Variants in SGCD observed in about 807,000 individuals in gnomAD.
SGCD encodes the protein delta-sarcoglycan.
A neutral mutation model predicts 36.6 loss-of-function variants in SGCD; 18 were observed. The ratio of observed to expected loss-of-function variants is 0.49; its 90% CI spans 0.34 to 0.73. The LOEUF is 0.73. Ranked by LOEUF, SGCD falls within the 30% of genes least tolerant of loss-of-function variation. SGCD has a pLI of 0.01. For missense variants in SGCD, 387 were observed against 346.7 expected, an observed-to-expected ratio of 1.12 and a Z score of -0.92; for synonymous variants, 133 against 130.6, an observed-to-expected ratio of 1.02 and a Z score of -0.12.
intron 3 of SGCD, among the ~76,000 whole-genome samples, chr5:156,422,190 G>A (rs182365756): frequency 8.5e-5 from 13 of 152,116 alleles, no homozygotes; most frequent in Admixed American, 4.6e-4. Context: ...GTGAGCAGGA[G>A]CTTAATAAAA....
chr5:156,751,742 T>C (rs1310411766), intron 7 of SGCD, among the ~76,000 whole-genome samples: 1 of 152,244 alleles, frequency 6.6e-6, no homozygotes, highest in Non-Finnish European at 1.5e-5. Flanking sequence ...TAAAAGACAA[T>C]GGCATCCCAT....
At chr5:155,975,357 C>CT (rs1302840512) in intron 1 of SGCD, among the ~76,000 whole-genome samples, 1 of 152,012 alleles carries the variant, frequency 6.6e-6, no homozygotes, top group Non-Finnish European at 1.5e-5. Context: ...TATCTGGAGA[C>CT]TTTTTGATTT....
the SGCD span, among the ~76,000 whole-genome samples, chr5:155,806,978 A>G: frequency 3.9e-5 from 6 of 152,242 alleles, no homozygotes; most frequent in Non-Finnish European, 7.3e-5. Context: ...CTGAGACAAT[A>G]GCTGTGAATG....
rs1345653112 is a variant in SGCD at position 156,057,433 on chromosome 5, A to T, written c.-281-60445A>T. Reference sequence around the variant, plus strand: ...GTGTGAGAAATAAAAAACAGCTGTGATAGATGAGTTTAAATAAAATCATGA... The same window carrying T: ...GTGTGAGAAATAAAAAACAGCTGTGTTAGATGAGTTTAAATAAAATCATGA... On this transcript the variant is annotated intron_variant, in intron 1 of 9. Coordinates refer to the SGCD transcript ENST00000517913. 2.7e-5 allele frequency among the ~76,000 whole-genome samples: 4 copies of T among 146,888 alleles called. No homozygotes were observed. The South Asian group carries it at 6.4e-4, about 24-fold the overall frequency.
intron 3 of SGCD, among the ~76,000 whole-genome samples, chr5:156,473,072 T>C (rs1443130194): frequency 2.0e-5 from 3 of 152,234 alleles, no homozygotes; most frequent in Non-Finnish European, 4.4e-5. Flanking sequence ...AATGCCTACA[T>C]TGAATAATTA....
At chr5:156,009,008 G>A (rs1455417935) in intron 1 of SGCD, among the ~76,000 whole-genome samples, 1 of 152,156 alleles carries the variant, frequency 6.6e-6, no homozygotes, top group Non-Finnish European at 1.5e-5. Context: ...AAGTTGGAAT[G>A]GGGGCAGGTG....
chr5:156,481,550 G>A (rs1006209148), intron 3 of SGCD, among the ~76,000 whole-genome samples: 1 of 152,174 alleles, frequency 6.6e-6, no homozygotes, highest in African/African-American at 2.4e-5. Flanking sequence ...AATAGCCCGT[G>A]GGTGCCTAAT....
intron 1 of SGCD, among the ~76,000 whole-genome samples, chr5:156,082,780 C>A (rs1486536254): frequency 6.6e-6 from 1 of 152,180 alleles, no homozygotes; most frequent in Non-Finnish European, 1.5e-5. Context: ...CGTCCAGGAG[C>A]ACAGTTGCTG....
At chr5:156,395,930 T>C (rs1486925346) in intron 3 of SGCD, among the ~76,000 whole-genome samples, 1 of 152,256 alleles carries the variant, frequency 6.6e-6, no homozygotes, top group Non-Finnish European at 1.5e-5. Flanking sequence ...TAGTTATGAC[T>C]GTAGTTGGTC....
intron 6 of SGCD, among the ~76,000 whole-genome samples, chr5:156,625,199 T>G (rs1366079346): frequency 1.3e-5 from 2 of 152,174 alleles, no homozygotes; most frequent in Admixed American, 1.3e-4. Context: ...TTTAGGACAT[T>G]GGCAGTGTTT....
At chr5:156,146,214 A>G (rs1762708270) in intron 3 of SGCD, among the ~76,000 whole-genome samples, 1 of 152,330 alleles carries the variant, frequency 6.6e-6, no homozygotes, top group East Asian at 1.9e-4. Context: ...CTCCATCTCT[A>G]AAAAACAAAA....
chr5:156,146,105 C>T (rs548584352), intron 3 of SGCD, among the ~76,000 whole-genome samples: 2 of 152,008 alleles, frequency 1.3e-5, no homozygotes, highest in East Asian at 1.9e-4. Flanking sequence ...CCCAGCTACT[C>T]GGGAGGCTGA....
At chr5:156,683,549 T>G (rs1482049305) in intron 7 of SGCD, among the ~76,000 whole-genome samples, 1 of 152,262 alleles carries the variant, frequency 6.6e-6, no homozygotes, top group Non-Finnish European at 1.5e-5. Context: ...TTCTTCTATT[T>G]CTCTGGCCTG....
At chr5:156,072,309 C>G (rs1353171760) in intron 1 of SGCD, among the ~76,000 whole-genome samples, 3 of 151,900 alleles carry the variant, frequency 2.0e-5, no homozygotes, top group Admixed American at 1.3e-4. Flanking sequence ...TTCAGGAGCT[C>G]TTTTAGGGCA....
chr5:156,581,439 G>A lies in SGCD; in HGVS notation c.295-7792G>A, dbSNP rs184382051. Reference sequence around the variant, plus strand: ...GCCCAAACGCTGTGCTGGGAGAACCGCTGCTCTCTTCAGAGCTGTCAGACA... The same window carrying A: ...GCCCAAACGCTGTGCTGGGAGAACCACTGCTCTCTTCAGAGCTGTCAGACA... On this transcript the variant is annotated intron_variant, in intron 4 of 8. Coordinates refer to ENST00000337851, the MANE Select transcript of SGCD (RefSeq NM_000337.6). 1.0e-3 allele frequency among the ~76,000 whole-genome samples: 157 copies of A among 152,280 alleles called. No individual in the cohort carries two copies. In the Middle Eastern group the frequency reaches 0.027, roughly 26 times the overall value.
chr5:155,771,926 C>G, the SGCD span, among the ~76,000 whole-genome samples: 87 of 152,234 alleles, frequency 5.7e-4, no homozygotes, highest in African/African-American at 8.7e-4. Flanking sequence ...GCATTATTCT[C>G]TTTCAATAAA....
In SGCD at chr5:156,553,394, T is replaced by C. The variant is rs189589806; in HGVS notation, c.295-35837T>C. Among the ~76,000 whole-genome samples the C allele has an allele frequency of 4.5e-3, 687 of 152,334 alleles. 4 individuals are homozygous for C. The highest frequency in any genetic ancestry group is 0.014 in the African/African-American group (572 of 41,568). On this transcript the variant is annotated intron_variant, in intron 4 of 8. Transcript: ENST00000337851. ...CACACTTGGAATAAGTTTCCCTGATTTGATGTATTTGAGCACCTGCCCAGA... is the reference window on the plus strand; with the variant it reads ...CACACTTGGAATAAGTTTCCCTGATCTGATGTATTTGAGCACCTGCCCAGA...
the SGCD span, among the ~76,000 whole-genome samples, chr5:155,774,075 G>A: frequency 1.3e-5 from 2 of 152,068 alleles, no homozygotes; most frequent in African/African-American, 2.4e-5. Context: ...CTTCTGTTTG[G>A]AGTCCATTTT....
the SGCD span, among the ~76,000 whole-genome samples, chr5:155,802,785 G>A: frequency 6.6e-6 from 1 of 152,108 alleles, no homozygotes; most frequent in Non-Finnish European, 1.5e-5. Flanking sequence ...TCTTTCTCCT[G>A]TATTTTTAGA....
Sources: allele counts gnomAD v4.1 joint callset (sites outside exome capture counted in the v4.1 genomes callset), GRCh38; gene constraint gnomAD v4.1.1; transcripts MANE v1.5; gene names NCBI Gene and HGNC (gene_info 2026-07-23, HGNC 2026-07-21).